The following PCDHGA6 variants were observed in gnomAD, a reference collection of about 807,000 sequenced individuals.
PCDHGA6 encodes protocadherin gamma subfamily A, 6.
Under a neutral mutation model 60.6 loss-of-function variants are expected in PCDHGA6, and 41 were observed. The ratio of observed to expected loss-of-function variants is 0.68; its 90% confidence interval spans 0.53 to 0.88. The LOEUF (loss-of-function observed/expected upper bound fraction) is 0.88. Ranked by LOEUF, PCDHGA6 falls within the 40% of genes least tolerant of loss-of-function variation. PCDHGA6 has a pLI of 0.00. For missense variants in PCDHGA6, 1,312 were observed against 1,203.0 expected (o/e 1.09, Z -1.34); for synonymous variants, 594 against 524.4 (o/e 1.13, Z -1.81).
intron 1 of PCDHGA6, 157 bp from the exon 2 acceptor site, chr5:141,494,645 GTGTAT>G: frequency 1.1e-6 from 1 of 935,948 alleles, no homozygotes; most frequent in Non-Finnish European, 1.3e-6. Context: ...GAGACCTGAG[GTGTAT>G]TTTGTCTTTG....
chr5:141,393,578 GC>G, intron 1 of PCDHGA6: 1 of 1,613,930 alleles, frequency 6.2e-7, no homozygotes. Context: ...TTGAGAACAT[GC>G]CCCCAGGCAC....
In PCDHGA6 at chr5:141,489,185, T is replaced by G; in HGVS notation, c.2425-5622T>G. The G allele has an allele frequency of 7.8e-7, 1 of 1,286,838 alleles. No individual in the cohort carries two copies. The highest frequency in any genetic ancestry group is 1.5e-5 in the African/African-American group (1 of 67,216). 79.7% of individuals were successfully genotyped at this position (1,286,838 alleles called of 1,614,324 possible). On this transcript the variant is annotated intron_variant, in intron 1 of 3. Transcript: ENST00000517434. The surrounding 1 kb of genome is among the most constrained non-coding windows in gnomAD (Gnocchi z 4.5). The stretch of plus-strand genomic sequence containing the variant: ...CAGCTGCTGCATTCCAAGCCCTGGG[T>G]CTACCTTGGAGACAGGACAGCACAG...
intron 1 of PCDHGA6, chr5:141,410,390 G>A: frequency 6.2e-7 from 1 of 1,614,012 alleles, no homozygotes; most frequent in South Asian, 1.1e-5. Flanking sequence ...CTTCCATCCT[G>A]GTCTCTGTGT....
At chr5:141,501,334 C>CA (rs2099808390) in intron 2 of PCDHGA6, among the ~76,000 whole-genome samples, 1 of 145,376 alleles carries the variant, frequency 6.9e-6, no homozygotes, top group Non-Finnish European at 1.5e-5. Flanking sequence ...CACACACACA[C>CA]CCCAAACTCA....
At chr5:141,380,929 C>T (rs1385655578) in intron 1 of PCDHGA6, among the ~76,000 whole-genome samples, 1 of 152,234 alleles carries the variant, frequency 6.6e-6, no homozygotes, top group East Asian at 1.9e-4. Flanking sequence ...AATAATCATA[C>T]ACTTTGCTTG....
intron 1 of PCDHGA6, among the ~76,000 whole-genome samples, chr5:141,483,689 G>A (rs1234666254): frequency 6.6e-6 from 1 of 152,022 alleles, no homozygotes; most frequent in Non-Finnish European, 1.5e-5. Flanking sequence ...CAGAAAGCCA[G>A]ATTCCTCTTT....
intron 1 of PCDHGA6, chr5:141,423,835 C>T (rs1371309974): frequency 1.2e-5 from 15 of 1,278,290 alleles, no homozygotes; most frequent in African/African-American, 9.4e-5. Flanking sequence ...CATGAGATTA[C>T]GATAATCTTT....
chr5:141,394,120 C>G, intron 1 of PCDHGA6: 3 of 1,613,954 alleles, frequency 1.9e-6, no homozygotes, highest in Non-Finnish European at 1.7e-6. Context: ...TCCACTGAAA[C>G]TCAAATCGCT....
intron 1 of PCDHGA6, among the ~76,000 whole-genome samples, chr5:141,434,451 A>C (rs145324240): frequency 6.6e-6 from 1 of 152,210 alleles, no homozygotes; most frequent in Non-Finnish European, 1.5e-5. Context: ...GCTGGAAGGT[A>C]GTGGGTTTAC....
intron 1 of PCDHGA6, among the ~76,000 whole-genome samples, chr5:141,463,542 G>A (rs1376087953): frequency 7.1e-6 from 1 of 141,810 alleles, no homozygotes; most frequent in African/African-American, 2.6e-5. Context: ...TCCGGCTCCC[G>A]GGTTCATGCC....
In PCDHGA6 at chr5:141,375,510, C is replaced by T; in HGVS notation, c.1427C>T (p.Ala476Val). The part of the protein sequence containing the change: ...PRGASIFSVN[A>V]LDPDVDQNAQ... Reference sequence around the variant, plus strand: ...GGTGCCTCCATCTTCTCTGTGAATGCACTGGACCCTGACGTGGACCAGAAC... The same window carrying T: ...GGTGCCTCCATCTTCTCTGTGAATGTACTGGACCCTGACGTGGACCAGAAC... The change falls in exon 1 of 4, where the codon GCA (alanine) becomes GTA (valine). Residue 476 changes from alanine (A) to valine (V), a missense_variant. Transcript: ENST00000517434. The T allele has an allele frequency of 6.2e-7, 1 of 1,614,034 alleles. No individual in the cohort carries two copies. The highest frequency in any genetic ancestry group is 8.5e-7 in the Non-Finnish European group (1 of 1,179,932).
At chr5:141,420,558 C>T (rs1373350109) in intron 1 of PCDHGA6, 1 of 248,240 alleles carries the variant, frequency 4.0e-6, no homozygotes, top group Non-Finnish European at 7.5e-6. Flanking sequence ...TATATTTTTA[C>T]GGCATGGTAT....
intron 1 of PCDHGA6, chr5:141,475,997 G>T: frequency 8.4e-7 from 1 of 1,184,406 alleles, no homozygotes; most frequent in Non-Finnish European, 1.2e-6. Flanking sequence ...CAAATCAACG[G>T]CATCCAGAAA....
intron 1 of PCDHGA6, among the ~76,000 whole-genome samples, chr5:141,444,402 C>T (rs916833331): frequency 6.6e-6 from 1 of 151,932 alleles, no homozygotes; most frequent in African/African-American, 2.4e-5. Flanking sequence ...AACTCCCAAC[C>T]TCAGGTGATC....
chr5:141,449,944 T>C (rs1375717746), intron 1 of PCDHGA6, among the ~76,000 whole-genome samples: 1 of 151,744 alleles, frequency 6.6e-6, no homozygotes, highest in Non-Finnish European at 1.5e-5. Flanking sequence ...TATATTTTAC[T>C]ATACCTCATA....
In PCDHGA6 at chr5:141,485,275, G is replaced by C. The variant is rs77402299; in HGVS notation, c.2425-9532G>C. ...ACGTTTGTGGGCAGATCCGCTACCC[G>C]GTCCCAGAGGAGTCACAGGAAGGGA... On this transcript the variant is annotated intron_variant, in intron 1 of 3. Transcript: ENST00000517434. The surrounding 1 kb of genome is among the most constrained non-coding windows in gnomAD (Gnocchi z 5.7). The C allele has an allele frequency of 2.5e-6, 4 of 1,614,072 alleles. No individual in the cohort carries two copies. Among genetic ancestry groups the C allele is most frequent in the Admixed American group, 1.7e-5 (1 of 60,024 alleles).
chr5:141,414,123 C>T (rs1328389134), intron 1 of PCDHGA6: 1 of 1,592,532 alleles, frequency 6.3e-7, no homozygotes. Flanking sequence ...ATGAAGAAAC[C>T]GGTTTCTATG....
Position 141,405,636 on chromosome 5 carries a change from G to A in PCDHGA6, c.2424+29129G>A, listed in dbSNP as rs546836247. 7 of 528,588 alleles carry A rather than the reference G, an allele frequency of 1.3e-5. 1 individual carries two copies. The highest frequency in any genetic ancestry group is 8.1e-5 in the South Asian group (3 of 37,242). The allele number at this position is 528,588 out of a possible 1,614,324, so 32.7% of individuals were successfully genotyped here. A position where few individuals can be genotyped will look rare whatever the true frequency, so the allele number is the denominator to read the frequency against. On this transcript the variant is annotated intron_variant, in intron 1 of 3. Coordinates refer to ENST00000517434, the MANE Select transcript of PCDHGA6 (RefSeq NM_018919.3). ...ACTACAGGCACGTGCCACCACGCCC[G>A]GCTAATTTTTTGTGTGTTTTTAGTA...
Position 141,487,904 on chromosome 5 carries a change from G to A in PCDHGA6, c.2425-6903G>A, listed in dbSNP as rs1229814755. On this transcript the variant is annotated intron_variant, in intron 1 of 3. Coordinates refer to ENST00000517434, the MANE Select transcript of PCDHGA6 (RefSeq NM_018919.3). The surrounding 1 kb of genome is among the most constrained non-coding windows in gnomAD (Gnocchi z 5.0). ...TGTGGAAGCATGATGATGGAATGTG[G>A]GAGCACAGGAGGCTACAGTGCACAG... 8.8e-6 allele frequency: 6 copies of A among 685,686 alleles called. No individual in the cohort carries two copies. The highest frequency in any genetic ancestry group is 1.5e-5 in the Non-Finnish European group (6 of 410,118). 42.5% of individuals were successfully genotyped at this position (685,686 alleles called of 1,614,324 possible). A position where few individuals can be genotyped will look rare whatever the true frequency, so the allele number is the denominator to read the frequency against.
Sources: allele counts gnomAD v4.1 joint callset (sites outside exome capture counted in the v4.1 genomes callset), GRCh38; gene constraint gnomAD v4.1.1; non-coding constraint Gnocchi (gnomAD v3.1); transcripts MANE v1.5; gene names NCBI Gene and HGNC (gene_info 2026-07-23, HGNC 2026-07-21).